Variants in PDE8A observed in about 807,000 individuals in gnomAD.
The protein encoded by PDE8A is phosphodiesterase 8A.
PDE8A carries 59 observed loss-of-function variants against 105.0 expected under a neutral mutation model. The observed-to-expected ratio is 0.56, with a 90% CI of 0.46 to 0.70. The LOEUF is 0.70. Ranked by LOEUF, PDE8A falls within the 30% of genes least tolerant of loss-of-function variation. PDE8A has a pLI of 0.00. For missense variants in PDE8A, 1,014 were observed against 1,045.9 expected (o/e 0.97, Z 0.42); for synonymous variants, 355 against 371.9 (o/e 0.95, Z 0.52).
chr15:85,014,136 TTTTC>T (rs1460465703), intron 1 of PDE8A, among the ~76,000 whole-genome samples: 1 of 148,016 alleles, frequency 6.8e-6, no homozygotes, highest in Non-Finnish European at 1.5e-5. Flanking sequence ...TTCTTTTTCT[TTTTC>T]TTTTTCTTTT....
intron 8 of PDE8A, among the ~76,000 whole-genome samples, chr15:85,097,640 TATGAG>T (rs1196793696): frequency 2.6e-5 from 4 of 152,050 alleles, no homozygotes; most frequent in African/African-American, 9.7e-5. Context: ...AGGTGGGAGT[TATGAG>T]AGGAGGAAGT....
intron 6 of PDE8A, among the ~76,000 whole-genome samples, chr15:85,087,689 A>G (rs2141519945): frequency 6.6e-6 from 1 of 152,326 alleles, no homozygotes; most frequent in Admixed American, 6.5e-5. Flanking sequence ...ATCATAATAT[A>G]ATCTTAGAAT....
At chr15:85,079,667 CTT>C (rs2081434177) in intron 5 of PDE8A, among the ~76,000 whole-genome samples, 1 of 152,196 alleles carries the variant, frequency 6.6e-6, no homozygotes. Flanking sequence ...AATCCCAACA[CTT>C]TGGGAGGCTG....
chr15:85,024,301 C>G (rs1202958067), intron 1 of PDE8A, among the ~76,000 whole-genome samples: 1 of 152,180 alleles, frequency 6.6e-6, no homozygotes, highest in Non-Finnish European at 1.5e-5. Flanking sequence ...CTTTGCATCC[C>G]TGGCACAGTA....
intron 16 of PDE8A, among the ~76,000 whole-genome samples, chr15:85,116,798 C>T (rs1367220301): frequency 6.6e-6 from 1 of 152,212 alleles, no homozygotes; most frequent in African/African-American, 2.4e-5. Context: ...CAAGATAACT[C>T]CCTGACTTTT....
intron 1 of PDE8A, among the ~76,000 whole-genome samples, chr15:85,022,252 C>T (rs1211120945): frequency 6.6e-6 from 1 of 152,122 alleles, no homozygotes; most frequent in Non-Finnish European, 1.5e-5. Flanking sequence ...GCAGCTAGAT[C>T]TCAGCATTGG....
chr15:85,078,659 G>A (rs1315007098), intron 5 of PDE8A, among the ~76,000 whole-genome samples: 1 of 151,918 alleles, frequency 6.6e-6, no homozygotes, highest in Admixed American at 6.6e-5. Flanking sequence ...TCAGAAATGT[G>A]GACATTGAGA....
intron 1 of PDE8A, among the ~76,000 whole-genome samples, chr15:84,992,742 G>C (rs1235970929): frequency 6.6e-6 from 1 of 152,178 alleles, no homozygotes; most frequent in African/African-American, 2.4e-5. Flanking sequence ...AGGGCGGAGA[G>C]TGGAGGGTGA....
intron 20 of PDE8A, among the ~76,000 whole-genome samples, chr15:85,136,155 A>G (rs1348516201): frequency 6.6e-6 from 1 of 152,040 alleles, no homozygotes; most frequent in Admixed American, 6.5e-5. Flanking sequence ...TGCTCTGTGG[A>G]CTCTAGGCCA....
intron 5 of PDE8A, among the ~76,000 whole-genome samples, chr15:85,077,482 G>A (rs763879043): frequency 2.0e-4 from 30 of 152,188 alleles, no homozygotes; most frequent in Admixed American, 3.3e-4. Context: ...CAAGTTTTCT[G>A]GATGAGTAGG....
rs770031619 is a variant in PDE8A at position 85,024,425 on chromosome 15, C to CT, written c.187-39940dup. Among the ~76,000 whole-genome samples, 48 of 152,162 alleles carry CT rather than the reference C, an allele frequency of 3.2e-4. 1 individual carries two copies. The highest frequency in any genetic ancestry group is 5.9e-4 in the Admixed American group (9 of 15,282). On this transcript the variant is annotated intron_variant, in intron 1 of 21. Transcript: ENST00000394553. ...TTTCTTTTGTCAGCTCATCTTGAATCTTTTTCTGAAGTTACAAGCCCCTTT... is the reference window on the plus strand; with the variant it reads ...TTTCTTTTGTCAGCTCATCTTGAATCTTTTTTCTGAAGTTACAAGCCCCTTT...
intron 1 of PDE8A, among the ~76,000 whole-genome samples, chr15:85,041,765 A>G (rs1045821362): frequency 1.3e-5 from 2 of 152,042 alleles, no homozygotes; most frequent in Non-Finnish European, 2.9e-5. Context: ...TGTTGCTGCT[A>G]TTTGCAATGA....
intron 1 of PDE8A, among the ~76,000 whole-genome samples, chr15:84,997,641 G>A (rs182625217): frequency 3.4e-4 from 51 of 151,838 alleles, no homozygotes; most frequent in African/African-American, 1.2e-3. Flanking sequence ...TGCCCAGGCC[G>A]GAGTGCAATG....
intron 5 of PDE8A, among the ~76,000 whole-genome samples, chr15:85,078,060 A>G (rs1325932031): frequency 6.6e-6 from 1 of 151,788 alleles, no homozygotes; most frequent in Non-Finnish European, 1.5e-5. Flanking sequence ...TCCAGAACTG[A>G]TGAAAAACTA....
At chr15:85,057,334 A>AC (rs1331305600) in intron 1 of PDE8A, among the ~76,000 whole-genome samples, 2 of 152,280 alleles carry the variant, frequency 1.3e-5, no homozygotes, top group Admixed American at 6.5e-5. Context: ...CTCTCTTCAA[A>AC]GCTGTCAGAC....
At chr15:85,083,144 C>A (rs531366074) in intron 5 of PDE8A, among the ~76,000 whole-genome samples, 38 of 152,224 alleles carry the variant, frequency 2.5e-4, no homozygotes, top group Non-Finnish European at 5.3e-4. Context: ...TGTAAACTTA[C>A]ATGACTTTAA....
At chr15:85,003,760 G>A (rs540393778) in intron 1 of PDE8A, among the ~76,000 whole-genome samples, 3 of 152,202 alleles carry the variant, frequency 2.0e-5, no homozygotes, top group East Asian at 1.9e-4. Context: ...CCCTTACTTC[G>A]TGTAGCCTGC....
At chr15:85,079,852 G>T (rs553587865) in intron 5 of PDE8A, among the ~76,000 whole-genome samples, 1 of 152,150 alleles carries the variant, frequency 6.6e-6, no homozygotes, top group Non-Finnish European at 1.5e-5. Flanking sequence ...GGTGGAGGTT[G>T]CAGTGAGCTG....
At chr15:85,023,266 A>C (rs540654404) in intron 1 of PDE8A, among the ~76,000 whole-genome samples, 1 of 152,172 alleles carries the variant, frequency 6.6e-6, no homozygotes, top group South Asian at 2.1e-4. Flanking sequence ...GGGTTCACCA[A>C]AGGATTTCTA....
Sources: gnomAD v4.1 joint callset for allele counts (sites outside exome capture counted in the v4.1 genomes callset) on GRCh38, gnomAD v4.1.1 for gene constraint, MANE v1.5 for transcripts, NCBI Gene and HGNC (gene_info 2026-07-23, HGNC 2026-07-21) for gene names.